Variants in GEM observed in about 807,000 individuals in gnomAD.
GEM encodes the protein GTP binding protein overexpressed in skeletal muscle, also known as GTP-binding protein GEM.
GEM carries 31 observed loss-of-function variants against 33.0 expected under a neutral mutation model. That is an observed-to-expected ratio of 0.94 (90% CI 0.71 to 1.27). The LOEUF (loss-of-function observed/expected upper bound fraction) is 1.27, where lower values mean the gene tolerates loss of function less well. Among genes scored for constraint, GEM ranks in the 50% most tolerant of loss-of-function variants. The pLI, the probability that GEM is intolerant of heterozygous loss-of-function variation, is 0.00. For synonymous variants in GEM, 141 were observed against 143.7 expected (o/e 0.98, Z 0.13); for missense variants, 354 against 390.5 (o/e 0.91, Z 0.79).
At chr8:94,254,123 T>A (rs2129759401) in intron 2 of GEM, among the ~76,000 whole-genome samples, 1 of 152,248 alleles carries the variant, frequency 6.6e-6, no homozygotes, top group Non-Finnish European at 1.5e-5. Context: ...TTGCAACACT[T>A]CTATCCCACA....
At chr8:94,261,005 G>A (rs891626188) in intron 1 of GEM, among the ~76,000 whole-genome samples, 5 of 152,254 alleles carry the variant, frequency 3.3e-5, no homozygotes, top group South Asian at 2.1e-4. Flanking sequence ...TGGGAAACAC[G>A]TGGCAATGAC....
rs1439313689 is a variant in GEM at position 94,260,327 on chromosome 8, G to A, written c.177C>T (p.Ser59=). The change falls in exon 2 of 5, where the codon TCC becomes TCT. Residue 59 remains serine (S), a synonymous_variant. Transcript: ENST00000297596. ...TPEDHCRRSW[S]SDSTDSVISS... Reference sequence around the variant, plus strand: ...AGATGACTGAGTCTGTGGAGTCAGAGGACCAGCTTCGGCGGCAGTGGTCCT... The same window carrying A: ...AGATGACTGAGTCTGTGGAGTCAGAAGACCAGCTTCGGCGGCAGTGGTCCT... 1.2e-6 allele frequency: 2 copies of A among 1,614,204 alleles called. No individual in the cohort carries two copies. Among genetic ancestry groups the A allele is most frequent in the Admixed American group, 3.3e-5 (2 of 60,032 alleles).
chr8:94,251,457 T>C (rs1336055896), intron 4 of GEM, among the ~76,000 whole-genome samples: 1 of 152,054 alleles, frequency 6.6e-6, no homozygotes, highest in Non-Finnish European at 1.5e-5. Flanking sequence ...CAGGATCAAA[T>C]CTGAATTAGG....
At chr8:94,259,679 T>C (rs1808973833) in intron 2 of GEM, 1 of 152,642 alleles carries the variant, frequency 6.6e-6, no homozygotes, top group Admixed American at 6.5e-5. Flanking sequence ...TAAAAAATTA[T>C]TATGCTATTT....
Position 94,250,069 on chromosome 8 carries a change from T to A in GEM, c.*241A>T. On this transcript the variant is annotated 3_prime_UTR_variant, in exon 5 of 5. Transcript: ENST00000297596. ...GAAACACATGTGAACACCAAACACATCCTCTAAAGAGTCTTGGGTGTTCAA... is the reference window on the plus strand; with the variant it reads ...GAAACACATGTGAACACCAAACACAACCTCTAAAGAGTCTTGGGTGTTCAA... 1 of 500,992 alleles carries A rather than the reference T, an allele frequency of 2.0e-6. No individual in the cohort carries two copies. Among genetic ancestry groups the A allele is most frequent in the Non-Finnish European group, 3.5e-6 (1 of 286,700 alleles). 31.0% of individuals were successfully genotyped at this position (500,992 alleles called of 1,614,324 possible). A position where few individuals can be genotyped will look rare whatever the true frequency, so the allele number is the denominator to read the frequency against.
intron 1 of GEM, among the ~76,000 whole-genome samples, chr8:94,261,301 C>T (rs12386916): frequency 0.085 from 12,862 of 152,160 alleles, 705 homozygotes; most frequent in African/African-American, 0.14. Context: ...AGAGAAAGTG[C>T]CTCATTCTTA....
Position 94,250,044 on chromosome 8 carries a change from G to T in GEM, c.*266C>A. The T allele has an allele frequency of 2.4e-6, 1 of 417,396 alleles. No homozygotes were observed. Among genetic ancestry groups the T allele is most frequent in the South Asian group, 6.2e-5 (1 of 16,072 alleles). 25.9% of individuals were successfully genotyped at this position (417,396 alleles called of 1,614,324 possible). On this transcript the variant is annotated 3_prime_UTR_variant, in exon 5 of 5. Coordinates refer to ENST00000297596, the MANE Select transcript of GEM (RefSeq NM_005261.4). ...TACTTCTCTACTATCCAAAATAGAA[G>T]AAACACATGTGAACACCAAACACAT...
chr8:94,255,149 T>C (rs1156849288), intron 2 of GEM, among the ~76,000 whole-genome samples: 1 of 151,996 alleles, frequency 6.6e-6, no homozygotes, highest in Non-Finnish European at 1.5e-5. Context: ...AGCCCACCAC[T>C]CAGGTACAGG....
chr8:94,260,099 A>T lies in GEM; in HGVS notation c.331+74T>A, dbSNP rs1028214537. 3.2e-6 allele frequency: 3 copies of T among 946,258 alleles called. No homozygotes were observed. In the East Asian group the frequency reaches 7.3e-5, roughly 23 times the overall value. The allele number at this position is 946,258 out of a possible 1,614,324, so 58.6% of individuals were successfully genotyped here. ...TCAGCTCCCAACTCTGTGGGTAAAT[A>T]AGTCACCCACCCTCACTCTTTCTTC... On this transcript the variant is annotated intron_variant, in intron 2 of 4. Transcript: ENST00000297596.
chr8:94,256,827 C>A (rs1808900714), intron 2 of GEM, among the ~76,000 whole-genome samples: 1 of 152,220 alleles, frequency 6.6e-6, no homozygotes, highest in Non-Finnish European at 1.5e-5. Context: ...ATGCTCATTT[C>A]GTACTTACTA....
intron 4 of GEM, among the ~76,000 whole-genome samples, chr8:94,251,648 C>A (rs1204975760): frequency 1.3e-5 from 2 of 152,178 alleles, no homozygotes; most frequent in Non-Finnish European, 2.9e-5. Context: ...TCACAGGAAC[C>A]AGAGTCAGCC....
At chr8:94,259,644 A>G (rs1808972662) in intron 2 of GEM, among the ~76,000 whole-genome samples, 1 of 152,226 alleles carries the variant, frequency 6.6e-6, no homozygotes, top group Non-Finnish European at 1.5e-5. Flanking sequence ...CTCTATAGAA[A>G]GTTTCATTGT....
At chr8:94,251,174 C>A (rs1244693057) in intron 4 of GEM, among the ~76,000 whole-genome samples, 2 of 152,040 alleles carry the variant, frequency 1.3e-5, no homozygotes, top group Non-Finnish European at 2.9e-5. Context: ...AAAAATAAAG[C>A]AATAATGAGA....
intron 2 of GEM, among the ~76,000 whole-genome samples, chr8:94,254,665 G>A (rs891069207): frequency 5.3e-5 from 8 of 152,172 alleles, no homozygotes; most frequent in African/African-American, 1.9e-4. Flanking sequence ...GGCACTTCTT[G>A]TTTTACAATA....
At chr8:94,260,104 A>G in intron 2 of GEM, 69 bp downstream of exon 2, 1 of 1,002,812 alleles carries the variant, frequency 1.0e-6, no homozygotes, top group Admixed American at 2.0e-5. Flanking sequence ...TAAATAAGTC[A>G]CCCACCCTCA....
In GEM at chr8:94,250,346, G is replaced by C. The variant is rs142606096; in HGVS notation, c.855C>G (p.Leu285=). 1.2e-6 allele frequency: 2 copies of C among 1,613,946 alleles called. No individual in the cohort carries two copies. The highest frequency in any genetic ancestry group is 1.7e-6 in the Non-Finnish European group (2 of 1,179,954). The change falls in exon 5 of 5, where the codon CTC becomes CTG. Residue 285 remains leucine, a synonymous_variant. Transcript: ENST00000297596. Reference sequence around the variant, plus strand: ...AGAGGTCATGGCAGGATTTGGACTTGAGCTTGAAGGCCATATTCTTGTTGT... The same window carrying C: ...AGAGGTCATGGCAGGATTTGGACTTCAGCTTGAAGGCCATATTCTTGTTGT... ...AKNNKNMAFK[L]KSKSCHDLSV...
chr8:94,255,069 G>T (rs1350751509), intron 2 of GEM, among the ~76,000 whole-genome samples: 1 of 151,972 alleles, frequency 6.6e-6, no homozygotes, highest in African/African-American at 2.4e-5. Flanking sequence ...CCCACCACAG[G>T]GTTCTTAGCT....
chr8:94,256,898 A>G (rs1033464296), intron 2 of GEM, among the ~76,000 whole-genome samples: 2 of 152,214 alleles, frequency 1.3e-5, no homozygotes, highest in African/African-American at 4.8e-5. Flanking sequence ...GTAACACCCT[A>G]TGAAGGAGGT....
chr8:94,261,432 C>T (rs1586067664), intron 1 of GEM, among the ~76,000 whole-genome samples: 1 of 152,206 alleles, frequency 6.6e-6, no homozygotes. Flanking sequence ...CTGTAGCTAG[C>T]CTCCAACTGC....
Sources: gnomAD v4.1 joint callset for allele counts (sites outside exome capture counted in the v4.1 genomes callset) on GRCh38, gnomAD v4.1.1 for gene constraint, MANE v1.5 for transcripts, NCBI Gene and HGNC (gene_info 2026-07-23, HGNC 2026-07-21) for gene names.